The following BMP7 variants were observed in gnomAD, a reference collection of about 807,000 sequenced individuals.
BMP7 encodes bone morphogenetic protein 7.
BMP7 carries 12 observed loss-of-function variants against 41.2 expected under a neutral mutation model. The observed-to-expected ratio is 0.29, with a 90% CI of 0.19 to 0.47. BMP7 has a LOEUF of 0.47. Ranked by LOEUF, BMP7 falls within the 20% of genes least tolerant of loss-of-function variation. The pLI is 0.99. For synonymous variants in BMP7, 248 were observed against 250.0 expected (o/e 0.99, Z 0.07); for missense variants, 467 against 606.0 (o/e 0.77, Z 2.41).
intron 4 of BMP7, among the ~76,000 whole-genome samples, chr20:57,176,725 A>G (rs182630422): frequency 2.7e-5 from 4 of 150,010 alleles, no homozygotes; most frequent in African/African-American, 9.8e-5. Context: ...TGTTAGGGAA[A>G]TTTGAAACTA....
At chr20:57,211,945 C>T (rs230201) in intron 2 of BMP7, among the ~76,000 whole-genome samples, 7,121 of 152,248 alleles carry the variant, frequency 0.047, 544 homozygotes, top group African/African-American at 0.16. Context: ...GGTCACTGGG[C>T]TCAGCAGCTG....
intron 1 of BMP7, among the ~76,000 whole-genome samples, chr20:57,240,048 A>G (rs557261981): frequency 6.6e-6 from 1 of 152,292 alleles, no homozygotes; most frequent in South Asian, 2.1e-4. Context: ...ACTTATGCAA[A>G]TTTCTGTAGC....
intron 1 of BMP7, among the ~76,000 whole-genome samples, chr20:57,241,116 G>C (rs1032291512): frequency 1.3e-5 from 2 of 152,108 alleles, no homozygotes; most frequent in African/African-American, 4.8e-5. Context: ...CTCTTGCCCA[G>C]GGTCACACAG....
At chr20:57,192,257 TA>T (rs939933705) in intron 3 of BMP7, among the ~76,000 whole-genome samples, 10 of 131,010 alleles carry the variant, frequency 7.6e-5, no homozygotes, top group Non-Finnish European at 1.5e-4. Flanking sequence ...ATATATACTA[TA>T]GTATATATAG....
At chr20:57,238,897 C>T (rs536430328) in intron 1 of BMP7, among the ~76,000 whole-genome samples, 2 of 152,096 alleles carry the variant, frequency 1.3e-5, no homozygotes, top group South Asian at 4.2e-4. Context: ...AAAGACCTAC[C>T]CCCATGATTC....
intron 3 of BMP7, among the ~76,000 whole-genome samples, chr20:57,189,271 C>T (rs1156821694): frequency 6.6e-6 from 1 of 152,232 alleles, no homozygotes; most frequent in Non-Finnish European, 1.5e-5. Flanking sequence ...GAGGAAATCA[C>T]AGAGAAGAAC....
At chr20:57,238,958 C>T (rs888851924) in intron 1 of BMP7, among the ~76,000 whole-genome samples, 2 of 152,092 alleles carry the variant, frequency 1.3e-5, no homozygotes, top group Non-Finnish European at 2.9e-5. Context: ...CTGGGAGATA[C>T]AATTCAAGTT....
chr20:57,255,306 C>T (rs2066129966), intron 1 of BMP7, among the ~76,000 whole-genome samples: 1 of 152,196 alleles, frequency 6.6e-6, no homozygotes. Context: ...ATGGAAATGA[C>T]ACTGCTTACC....
At chr20:57,262,611 G>A (rs1042242936) in intron 1 of BMP7, among the ~76,000 whole-genome samples, 3 of 152,226 alleles carry the variant, frequency 2.0e-5, no homozygotes, top group African/African-American at 7.2e-5. Flanking sequence ...AAAGCCTTCA[G>A]AATTCAGGCA....
chr20:57,259,378 C>G lies in BMP7; in HGVS notation c.418+6327G>C, dbSNP rs1305619846. On this transcript the variant is annotated intron_variant, in intron 1 of 6. Coordinates refer to ENST00000395863, the MANE Select transcript of BMP7 (RefSeq NM_001719.3). The surrounding 1 kb of genome is among the most constrained non-coding windows in gnomAD (Gnocchi z 4.7). ...ATGGGAACAAATTAACATTGGCATT[C>G]CAAACACAGGAAAGGAAGGAAATTG... 6.6e-6 allele frequency among the ~76,000 whole-genome samples: 1 copy of G among 152,198 alleles called. No individual in the cohort carries two copies. The highest frequency in any genetic ancestry group is 1.9e-4 in the East Asian group (1 of 5,196).
rs1451393988 is a variant in BMP7 at position 57,213,856 on chromosome 20, A to G, written c.612-11233T>C. Among the ~76,000 whole-genome samples, 1 of 152,228 alleles carries G rather than the reference A, an allele frequency of 6.6e-6. No individual in the cohort carries two copies. The highest frequency in any genetic ancestry group is 2.4e-5 in the African/African-American group (1 of 41,450). ...TCCATCAGGTTCTTTTGTTTGTAAA[A>G]TGGAGGTAGCCATGAGGATTGTTCT... On this transcript the variant is annotated intron_variant, in intron 2 of 6. Transcript: ENST00000395863. The surrounding 1 kb of genome is among the most constrained non-coding windows in gnomAD (Gnocchi z 4.4).
Position 57,171,337 on chromosome 20 carries a change from C to T in BMP7, c.1147-229G>A, listed in dbSNP as rs1219628549. Among the ~76,000 whole-genome samples, 1 of 152,182 alleles carries T rather than the reference C, an allele frequency of 6.6e-6. No individual in the cohort carries two copies. Among genetic ancestry groups the T allele is most frequent in the Non-Finnish European group, 1.5e-5 (1 of 68,034 alleles). On this transcript the variant is annotated intron_variant, in intron 6 of 6. Transcript: ENST00000395863. This position sits in a 1 kb window ranked among gnomAD's most constrained non-coding sequence, Gnocchi z 4.5. Reference sequence around the variant, plus strand: ...AAAGCATAGAGGTTTTCACATTATACAGTGGGGAAGGAAGGGGCCAGATCC... The same window carrying T: ...AAAGCATAGAGGTTTTCACATTATATAGTGGGGAAGGAAGGGGCCAGATCC...
chr20:57,231,957 C>T (rs897318540), intron 1 of BMP7, among the ~76,000 whole-genome samples: 1 of 152,230 alleles, frequency 6.6e-6, no homozygotes, highest in Non-Finnish European at 1.5e-5. Context: ...ACTGAGCAAG[C>T]ACTCTTTGCC....
intron 1 of BMP7, among the ~76,000 whole-genome samples, chr20:57,248,961 G>A (rs2066100968): frequency 6.6e-6 from 1 of 151,958 alleles, no homozygotes; most frequent in South Asian, 2.1e-4. Context: ...ACCACGCCCA[G>A]CTAATTTTTT....
chr20:57,217,020 A>G (rs1346795091), intron 2 of BMP7, among the ~76,000 whole-genome samples: 2 of 152,134 alleles, frequency 1.3e-5, no homozygotes, highest in Non-Finnish European at 2.9e-5. Context: ...TGCTTTTCCT[A>G]CTGCACCGTG....
chr20:57,208,839 T>C (rs1427405670), intron 2 of BMP7, among the ~76,000 whole-genome samples: 2 of 152,148 alleles, frequency 1.3e-5, no homozygotes, highest in South Asian at 2.1e-4. Context: ...AAAGATTGCA[T>C]AGTATATGAG....
At position 57,260,939 on chromosome 20, in the gene BMP7, C is replaced by A. The variant is rs1386392105; in HGVS notation, c.418+4766G>T. 2.6e-5 allele frequency among the ~76,000 whole-genome samples: 4 copies of A among 152,218 alleles called. No individual in the cohort carries two copies. The East Asian group carries it at 7.7e-4, about 29-fold the overall frequency. ...CCCATTCAAAATATTCAGGCTGTTA[C>A]ACGGATGGGCAGATGGGGAAGGGTG... On this transcript the variant is annotated intron_variant, in intron 1 of 6. Coordinates refer to ENST00000395863, the MANE Select transcript of BMP7 (RefSeq NM_001719.3).
chr20:57,191,850 G>A (rs1165742754), intron 3 of BMP7, among the ~76,000 whole-genome samples: 1 of 131,658 alleles, frequency 7.6e-6, no homozygotes, highest in Non-Finnish European at 1.6e-5. Flanking sequence ...ATATATTATA[G>A]ATATAAAATA....
At chr20:57,178,701 TG>T (rs571555445) in intron 4 of BMP7, among the ~76,000 whole-genome samples, 9 of 151,742 alleles carry the variant, frequency 5.9e-5, no homozygotes, top group African/African-American at 4.8e-5. Context: ...CTCTTCCCTG[TG>T]GGGGGGTAGA....
Sources: allele counts gnomAD v4.1 joint callset (sites outside exome capture counted in the v4.1 genomes callset), GRCh38; gene constraint gnomAD v4.1.1; non-coding constraint Gnocchi (gnomAD v3.1); transcripts MANE v1.5; gene names NCBI Gene and HGNC (gene_info 2026-07-23, HGNC 2026-07-21).